Variants in KCNK3 observed in about 807,000 individuals in gnomAD.
KCNK3 encodes potassium two pore domain channel subfamily K member 3.
Under a neutral mutation model 27.3 loss-of-function variants are expected in KCNK3, and 9 were observed. The observed-to-expected ratio is 0.33, with a 90% CI of 0.20 to 0.57. KCNK3 has a LOEUF of 0.57. KCNK3 is among the 20% of genes least tolerant of loss of function. The pLI is 0.87. For synonymous variants in KCNK3, 278 were observed against 273.8 expected (o/e 1.02, Z -0.15); for missense variants, 391 against 577.7 (o/e 0.68, Z 3.31).
Position 26,728,422 on chromosome 2 carries a change from C to A in KCNK3, c.1039C>A (p.Pro347Thr). The stretch of plus-strand genomic sequence containing the variant: ...GTGCGTGGAGCAGAGCCACTCGTCG[C>A]CGGGAGGGGGCGGCCGCTACAGCGA... ...DTCVEQSHSSPGGGGRYSDTP... is the reference protein window; with the variant it reads ...DTCVEQSHSSTGGGGRYSDTP... The change falls in exon 2 of 2, where the codon CCG (proline) becomes ACG (threonine). Residue 347 changes from proline (P) to threonine (T), a missense_variant. This residue lies in a region of KCNK3 where 192 missense variants were observed against 196.0 expected (regional missense o/e 0.98). Coordinates refer to ENST00000302909, the MANE Select transcript of KCNK3 (RefSeq NM_002246.3). 1 of 1,593,214 alleles carries A rather than the reference C, an allele frequency of 6.3e-7. No individual in the cohort carries two copies. The highest frequency in any genetic ancestry group is 8.6e-7 in the Non-Finnish European group (1 of 1,166,532).
Position 26,728,332 on chromosome 2 carries a change from A to T in KCNK3, c.949A>T (p.Ser317Cys). The change falls in exon 2 of 2, where the codon AGC (serine) becomes TGC (cysteine). Residue 317 changes from serine (S) to cysteine (C), a missense_variant. Physicochemically the swap from Ser to Cys is moderately radical, Grantham distance 112. This residue lies in a region of KCNK3 where 192 missense variants were observed against 196.0 expected (regional missense o/e 0.98). Transcript: ENST00000302909. Reference sequence around the variant, plus strand: ...CATGTGCTCGTGCCTGTGGTACAAGAGCCGCGAGAAGCTGCAGTACTCCAT... The same window carrying T: ...CATGTGCTCGTGCCTGTGGTACAAGTGCCGCGAGAAGCTGCAGTACTCCAT... ...QSMCSCLWYK[S>C]REKLQYSIPM... The T allele has an allele frequency of 6.2e-7, 1 of 1,603,776 alleles. No individual in the cohort carries two copies. Among genetic ancestry groups the T allele is most frequent in the Non-Finnish European group, 8.5e-7 (1 of 1,175,470 alleles).
intron 1 of KCNK3, among the ~76,000 whole-genome samples, chr2:26,703,117 A>C (rs1016792436): frequency 6.6e-6 from 1 of 152,136 alleles, no homozygotes; most frequent in African/African-American, 2.4e-5. Flanking sequence ...CTCTTGTCTC[A>C]AAACAAAAGA....
chr2:26,698,368 C>A (rs955496778), intron 1 of KCNK3, among the ~76,000 whole-genome samples: 2 of 152,194 alleles, frequency 1.3e-5, no homozygotes. Context: ...TCTCAATCCA[C>A]CCTATCCCCA....
intron 1 of KCNK3, among the ~76,000 whole-genome samples, chr2:26,716,865 C>T (rs1487732090): frequency 2.0e-5 from 3 of 152,168 alleles, no homozygotes; most frequent in Non-Finnish European, 4.4e-5. Flanking sequence ...AGGGAGCTGG[C>T]GTGGCTTAAC....
intron 1 of KCNK3, among the ~76,000 whole-genome samples, chr2:26,720,956 G>C (rs1663317902): frequency 6.6e-6 from 1 of 152,134 alleles, no homozygotes; most frequent in South Asian, 2.1e-4. Context: ...AGTGCAGGGG[G>C]GATTCCTTCT....
chr2:26,705,437 CT>C (rs1322610456), intron 1 of KCNK3, among the ~76,000 whole-genome samples: 1 of 152,108 alleles, frequency 6.6e-6, no homozygotes, highest in East Asian at 1.9e-4. Context: ...ATTATTCCTA[CT>C]TTGCCAACAA....
At chr2:26,712,429 G>GTCCC (rs909868002) in intron 1 of KCNK3, among the ~76,000 whole-genome samples, 2 of 152,164 alleles carry the variant, frequency 1.3e-5, no homozygotes, top group Non-Finnish European at 2.9e-5. Context: ...AAGAGTCTGT[G>GTCCC]TCCCCTTGGC....
chr2:26,701,118 G>A (rs1670302395), intron 1 of KCNK3, among the ~76,000 whole-genome samples: 2 of 152,178 alleles, frequency 1.3e-5, no homozygotes, highest in Admixed American at 1.3e-4. Context: ...ATTTTGAGTA[G>A]CAAGGCTCTA....
intron 1 of KCNK3, among the ~76,000 whole-genome samples, chr2:26,720,254 CA>C (rs1185919918): frequency 6.6e-6 from 1 of 152,040 alleles, no homozygotes; most frequent in Non-Finnish European, 1.5e-5. Flanking sequence ...GATTCCGTCT[CA>C]AAGAAACAAA....
In KCNK3 at chr2:26,693,164, G is replaced by A. The variant is rs369557396; in HGVS notation, c.283+6G>A. The A allele has an allele frequency of 6.8e-7, 1 of 1,474,992 alleles. No homozygotes were observed. Among genetic ancestry groups the A allele is most frequent in the African/African-American group, 1.5e-5 (1 of 68,930 alleles). The allele number at this position is 1,474,992 out of a possible 1,614,324, so 91.4% of individuals were successfully genotyped here. On this transcript the variant is annotated splice_donor_region_variant and intron_variant, in intron 1 of 1. Transcript: ENST00000302909. The surrounding 1 kb of genome is among the most constrained non-coding windows in gnomAD (Gnocchi z 5.5). ...CACCGTCATCACCACCATCGGTAAC[G>A]GCTCGCCGGGCGGGGGGCGGGAACC...
At chr2:26,697,167 CTGCCCTGAATT>C (rs950310180) in intron 1 of KCNK3, among the ~76,000 whole-genome samples, 4 of 152,196 alleles carry the variant, frequency 2.6e-5, no homozygotes, top group African/African-American at 9.7e-5. Context: ...TCTGACTCTC[CTGCCCTGAATT>C]TTTCACGAAT....
At chr2:26,699,710 C>A in intron 1 of KCNK3, among the ~76,000 whole-genome samples, 1 of 152,202 alleles carries the variant, frequency 6.6e-6, no homozygotes, top group East Asian at 1.9e-4. Context: ...TCCCTCTCCA[C>A]CTTGGACACA....
At chr2:26,714,244 G>T (rs1572609519) in intron 1 of KCNK3, among the ~76,000 whole-genome samples, 1 of 151,874 alleles carries the variant, frequency 6.6e-6, no homozygotes, top group African/African-American at 2.4e-5. Flanking sequence ...GCTCAGAGAG[G>T]CAGTGTGGGT....
rs1439716646 is a variant in KCNK3 at position 26,728,225 on chromosome 2, C to G, written c.842C>G (p.Thr281Ser). ...GGGGGGGSAH[T>S]TDTASSTAAA... Reference sequence around the variant, plus strand: ...GGCGGAGGGGGTGGCAGCGCGCACACTACGGACACCGCCTCATCCACGGCG... The same window carrying G: ...GGCGGAGGGGGTGGCAGCGCGCACAGTACGGACACCGCCTCATCCACGGCG... Residue 281 changes from threonine (T) to serine (S), a missense_variant, in exon 2 of 2, where the codon ACT (threonine) becomes AGT (serine). This residue lies in a region of KCNK3 where 192 missense variants were observed against 196.0 expected (regional missense o/e 0.98). Coordinates refer to ENST00000302909, the MANE Select transcript of KCNK3 (RefSeq NM_002246.3). 6.4e-7 allele frequency: 1 copy of G among 1,567,628 alleles called. No homozygotes were observed. Among genetic ancestry groups the G allele is most frequent in the African/African-American group, 1.4e-5 (1 of 73,646 alleles).
chr2:26,715,948 A>C (rs544024196), intron 1 of KCNK3, among the ~76,000 whole-genome samples: 1 of 152,304 alleles, frequency 6.6e-6, no homozygotes, highest in Non-Finnish European at 1.5e-5. Context: ...TTTGTGAGGG[A>C]GAGAATGTGG....
Position 26,729,201 on chromosome 2 carries a change from G to GGGAGGCA in KCNK3, c.*642_*648dup, listed in dbSNP as rs1341526299. ...AGGCAGGCAGCAGGAGGGGCGAGCT[G>GGGAGGCA]GGAGGCAGGAGGCAGCGGCCTGTCA... On this transcript the variant is annotated 3_prime_UTR_variant, in exon 2 of 2. Coordinates refer to ENST00000302909, the MANE Select transcript of KCNK3 (RefSeq NM_002246.3). 6.5e-6 allele frequency: 1 copy of GGGAGGCA among 152,888 alleles called. No individual in the cohort carries two copies. The highest frequency in any genetic ancestry group is 1.5e-5 in the Non-Finnish European group (1 of 68,254). 9.5% of individuals were successfully genotyped at this position (152,888 alleles called of 1,614,324 possible). A position where few individuals can be genotyped will look rare whatever the true frequency, so the allele number is the denominator to read the frequency against.
intron 1 of KCNK3, among the ~76,000 whole-genome samples, chr2:26,716,480 G>T (rs1413784999): frequency 2.6e-5 from 4 of 152,146 alleles, no homozygotes; most frequent in Non-Finnish European, 4.4e-5. Context: ...GGCCCCTGGA[G>T]CACTGATTTG....
intron 1 of KCNK3, among the ~76,000 whole-genome samples, chr2:26,712,399 G>A (rs1163247493): frequency 6.6e-6 from 1 of 152,188 alleles, no homozygotes; most frequent in Non-Finnish European, 1.5e-5. Flanking sequence ...ACGGAGAGTG[G>A]TGGATTCTTA....
intron 1 of KCNK3, among the ~76,000 whole-genome samples, chr2:26,717,385 TG>T (rs1271729115): frequency 2.0e-5 from 3 of 152,162 alleles, no homozygotes; most frequent in Non-Finnish European, 2.9e-5. Flanking sequence ...TTCTCCTCAA[TG>T]GGCTCAACAG....
Sources: allele counts gnomAD v4.1 joint callset (sites outside exome capture counted in the v4.1 genomes callset), GRCh38; gene constraint gnomAD v4.1.1; regional missense constraint gnomAD v4.1.1; non-coding constraint Gnocchi (gnomAD v3.1); transcripts MANE v1.5; gene names NCBI Gene and HGNC (gene_info 2026-07-23, HGNC 2026-07-21).